The following DSCAM variants were observed in gnomAD, a reference collection of about 807,000 sequenced individuals.
The protein encoded by DSCAM is cell adhesion molecule DSCAM.
In DSCAM, 47 loss-of-function variants were observed where a neutral mutation model predicts 217.7. That is an observed-to-expected ratio of 0.22 (90% CI 0.17 to 0.28). The LOEUF is 0.28. Ranked by LOEUF, DSCAM falls within the 10% of genes least tolerant of loss-of-function variation. The probability of loss-of-function intolerance (pLI) is 1.00; values close to 1 mark genes in which losing one functional copy is unlikely to be tolerated. For missense variants in DSCAM, 2,080 were observed against 2,618.3 expected, an observed-to-expected ratio of 0.79 and a Z score of 4.49; for synonymous variants, 1,056 against 1,015.3, an observed-to-expected ratio of 1.04 and a Z score of -0.76.
At chr21:40,550,636 T>C (rs1035233391) in intron 3 of DSCAM, among the ~76,000 whole-genome samples, 1 of 152,206 alleles carries the variant, frequency 6.6e-6, no homozygotes, top group African/African-American at 2.4e-5. Context: ...ACAAACACAT[T>C]ACGTCTTTGT....
chr21:40,297,146 C>T (rs2073964178), intron 9 of DSCAM, among the ~76,000 whole-genome samples: 1 of 151,926 alleles, frequency 6.6e-6, no homozygotes, highest in African/African-American at 2.4e-5. Flanking sequence ...TTCTAGTGTG[C>T]CTATAAAAAA....
At position 40,144,540 on chromosome 21, in the gene DSCAM, G is replaced by T; in HGVS notation, c.3210C>A (p.Ala1070=). Residue 1070 remains alanine, a synonymous_variant, in exon 17 of 33, where the codon GCC becomes GCA. Transcript: ENST00000400454. This position sits in a 1 kb window ranked among gnomAD's most constrained non-coding sequence, Gnocchi z 4.8. ...TTTCCTGAGAAGAAGGCCCCGTGCC[G>T]GCCCGGTTACAGGCCTGCACCACCA... is the stretch of plus-strand genomic sequence containing the variant. The part of the protein sequence containing the change: ...YGLVVQACNR[A]GTGPSSQEII... 6.2e-7 allele frequency: 1 copy of T among 1,614,190 alleles called. No individual in the cohort carries two copies. Among genetic ancestry groups the T allele is most frequent in the Non-Finnish European group, 8.5e-7 (1 of 1,180,040 alleles).
rs1007385025 is a variant in DSCAM at position 40,719,064 on chromosome 21, C to T, written c.44-10293G>A. The stretch of plus-strand genomic sequence containing the variant: ...CCCAGAATTGGAAGTTGCAGTGAGC[C>T]GAGATCGCACCACTGCACTCCAGCC... On this transcript the variant is annotated intron_variant, in intron 1 of 32. Coordinates refer to ENST00000400454, the MANE Select transcript of DSCAM (RefSeq NM_001389.5). Among the ~76,000 whole-genome samples the T allele has an allele frequency of 7.9e-5, 12 of 152,064 alleles. 1 individual carries two copies. The South Asian group carries it at 2.3e-3, about 29-fold the overall frequency.
At position 40,124,224 on chromosome 21, in the gene DSCAM, T is replaced by A; in HGVS notation, c.3667A>T (p.Thr1223Ser). The stretch of plus-strand genomic sequence containing the variant: ...GGATAGGGGTGGGAGCAGAATACAG[T>A]GTACTTTCGGATGATGCCGTTCAGC... The part of the protein sequence containing the change: ...LKLNGIIRKY[T>S]VFCSHPYPTV... Residue 1223 changes from threonine (T) to serine (S), a missense_variant, in exon 20 of 33, where the codon ACT becomes TCT. Physicochemically the swap from Thr to Ser is moderately conservative, Grantham distance 58 (BLOSUM62 1). Around this residue, in one of 5 missense-constraint regions of DSCAM, gnomAD observed 1,144 missense variants for 1,421.1 expected, o/e 0.81. Coordinates refer to ENST00000400454, the MANE Select transcript of DSCAM (RefSeq NM_001389.5). 6.2e-7 allele frequency: 1 copy of A among 1,613,866 alleles called. No individual in the cohort carries two copies.
At chr21:40,156,508 G>A (rs968567105) in intron 16 of DSCAM, among the ~76,000 whole-genome samples, 4 of 152,180 alleles carry the variant, frequency 2.6e-5, no homozygotes, top group African/African-American at 9.7e-5. Flanking sequence ...GAATTCCTGA[G>A]TGCTTTACAT....
chr21:40,170,785 A>G (rs1384557680), intron 15 of DSCAM, among the ~76,000 whole-genome samples: 2 of 152,214 alleles, frequency 1.3e-5, no homozygotes, highest in Non-Finnish European at 2.9e-5. Flanking sequence ...TAATTTAGTT[A>G]CACTTAACTG....
chr21:40,682,619 AAG>A (rs1203697996), intron 3 of DSCAM, among the ~76,000 whole-genome samples: 1,545 of 19,218 alleles, frequency 0.08, 111 homozygotes, highest in African/African-American at 0.18. Flanking sequence ...AAGAAAGAGA[AAG>A]AGAAAGAGAG....
intron 3 of DSCAM, among the ~76,000 whole-genome samples, chr21:40,580,816 A>T (rs1424846590): frequency 6.6e-6 from 1 of 152,224 alleles, no homozygotes; most frequent in Non-Finnish European, 1.5e-5. Flanking sequence ...AAAGAAAAAC[A>T]ATAACAGATT....
At chr21:40,266,328 A>G (rs1015844132) in intron 11 of DSCAM, among the ~76,000 whole-genome samples, 1 of 152,144 alleles carries the variant, frequency 6.6e-6, no homozygotes, top group Non-Finnish European at 1.5e-5. Flanking sequence ...CAGAATGGCC[A>G]TTATTAAAAA....
At chr21:40,417,900 T>A (rs1297553786) in intron 3 of DSCAM, among the ~76,000 whole-genome samples, 1 of 152,208 alleles carries the variant, frequency 6.6e-6, no homozygotes, top group Admixed American at 6.5e-5. Context: ...ACTATCATGA[T>A]CCTCATGTAT....
intron 1 of DSCAM, among the ~76,000 whole-genome samples, chr21:40,800,079 G>A (rs986748128): frequency 6.6e-6 from 1 of 152,162 alleles, no homozygotes; most frequent in African/African-American, 2.4e-5. Flanking sequence ...GAAAAACGGA[G>A]ACTTGAACAA....
intron 3 of DSCAM, among the ~76,000 whole-genome samples, chr21:40,594,220 T>A (rs1407200022): frequency 6.6e-6 from 1 of 152,206 alleles, no homozygotes; most frequent in Non-Finnish European, 1.5e-5. Context: ...AAAATATTAA[T>A]CAATCCTAGA....
At chr21:40,080,003 C>T (rs1262172700) in intron 25 of DSCAM, 149 bp downstream of exon 25, 3 of 676,616 alleles carry the variant, frequency 4.4e-6, no homozygotes, top group South Asian at 3.9e-5. Flanking sequence ...CTGTCCCTCT[C>T]ATTATGCCGT....
At chr21:40,674,168 T>C (rs953773356) in intron 3 of DSCAM, among the ~76,000 whole-genome samples, 1 of 152,170 alleles carries the variant, frequency 6.6e-6, no homozygotes, top group African/African-American at 2.4e-5. Flanking sequence ...GAAATGTTGG[T>C]CAAAAATATC....
chr21:40,110,651 G>C (rs571375787), intron 20 of DSCAM, among the ~76,000 whole-genome samples: 1 of 152,246 alleles, frequency 6.6e-6, no homozygotes, highest in South Asian at 2.1e-4. Flanking sequence ...CCATGGCAAA[G>C]AAGTTAAAAA....
chr21:40,658,256 A>T lies in DSCAM; in HGVS notation c.508+34554T>A, dbSNP rs1044021928. ...AGCCAAAGAAAACATATCAAAGGCA[A>T]TTGCACAAATGTCACTTCCTGCCTG... On this transcript the variant is annotated intron_variant, in intron 3 of 32. Transcript: ENST00000400454. Among the ~76,000 whole-genome samples, 9 of 152,232 alleles carry T rather than the reference A, an allele frequency of 5.9e-5. 1 individual carries two copies. Among genetic ancestry groups the T allele is most frequent in the Non-Finnish European group, 1.2e-4 (8 of 68,036 alleles).
chr21:40,254,032 G>T (rs1205571168), intron 11 of DSCAM, among the ~76,000 whole-genome samples: 1 of 152,158 alleles, frequency 6.6e-6, no homozygotes, highest in African/African-American at 2.4e-5. Context: ...TAGGGATCTT[G>T]CCCTTTAACT....
intron 1 of DSCAM, among the ~76,000 whole-genome samples, chr21:40,840,508 G>T (rs2092091695): frequency 6.6e-6 from 1 of 152,140 alleles, no homozygotes; most frequent in East Asian, 1.9e-4. Context: ...AGAACAAGGG[G>T]TCCAGCACAT....
chr21:40,262,194 T>C (rs2073462547), intron 11 of DSCAM, among the ~76,000 whole-genome samples: 1 of 152,268 alleles, frequency 6.6e-6, no homozygotes, highest in Middle Eastern at 3.4e-3. Flanking sequence ...CTTTTCAGCC[T>C]CGATAACTGT....
Sources: gnomAD v4.1 joint callset for allele counts (sites outside exome capture counted in the v4.1 genomes callset) on GRCh38, gnomAD v4.1.1 for gene constraint, gnomAD v4.1.1 regional missense constraint, Gnocchi (gnomAD v3.1) non-coding constraint, MANE v1.5 for transcripts, NCBI Gene and HGNC (gene_info 2026-07-23, HGNC 2026-07-21) for gene names.